SPECC1: variants seen among roughly 807,000 people sequenced by gnomAD.
The protein encoded by SPECC1 is cytospin-B.
In SPECC1, 62 loss-of-function variants were observed where a neutral mutation model predicts 104.1. The ratio of observed to expected loss-of-function variants is 0.60; its 90% CI spans 0.49 to 0.74. The LOEUF (loss-of-function observed/expected upper bound fraction) is 0.74. Among genes scored for constraint, SPECC1 ranks in the 30% least tolerant of loss-of-function variants. The probability of loss-of-function intolerance (pLI) is 0.00; values close to 1 mark genes in which losing one functional copy is unlikely to be tolerated. For synonymous variants in SPECC1, 513 were observed against 501.6 expected, an observed-to-expected ratio of 1.02 and a Z score of -0.30; for missense variants, 1,306 against 1,310.5, an observed-to-expected ratio of 1.00 and a Z score of 0.05.
At chr17:20,075,871 C>G (rs528709083) in intron 1 of SPECC1, among the ~76,000 whole-genome samples, 1 of 152,224 alleles carries the variant, frequency 6.6e-6, no homozygotes, top group South Asian at 2.1e-4. Flanking sequence ...CGCTTGAAAT[C>G]AGGAGGTTGA....
chr17:20,271,367 TC>T lies in SPECC1; in HGVS notation c.2940+11074del, dbSNP rs572942772. On this transcript the variant is annotated intron_variant, in intron 12 of 14. Transcript: ENST00000395527. ...ACTCCCACCCCCCCCATGCTTCCTG[TC>T]TTTGCATTCTTTCATGGTTGTACAT... Among the ~76,000 whole-genome samples, 5 of 151,762 alleles carry T rather than the reference TC, an allele frequency of 3.3e-5. No individual in the cohort carries two copies. In the East Asian group the frequency reaches 9.7e-4, roughly 29 times the overall value.
chr17:20,243,361 C>G (rs1409194571), intron 7 of SPECC1, among the ~76,000 whole-genome samples: 1 of 152,140 alleles, frequency 6.6e-6, no homozygotes, highest in Non-Finnish European at 1.5e-5. Context: ...TTCCTTGGAA[C>G]AGAGGAAATG....
At chr17:20,156,163 C>T (rs1458782004) in intron 3 of SPECC1, 1 of 1,436,074 alleles carries the variant, frequency 7.0e-7, no homozygotes, top group Non-Finnish European at 9.1e-7. Context: ...CGGTCCGAGG[C>T]CGGCAAGCCG....
intron 7 of SPECC1, among the ~76,000 whole-genome samples, chr17:20,240,930 A>C (rs1032636486): frequency 6.6e-6 from 1 of 152,186 alleles, no homozygotes; most frequent in Non-Finnish European, 1.5e-5. Flanking sequence ...TTCACTTTGT[A>C]TTATGAACTG....
At chr17:20,253,725 A>C in intron 10 of SPECC1, 139 bp downstream of exon 10, 1 of 784,422 alleles carries the variant, frequency 1.3e-6, no homozygotes, top group Non-Finnish European at 2.0e-6. Context: ...AATAATGTAC[A>C]TATCATGAAT....
At chr17:20,040,589 C>T (rs567276572) in intron 1 of SPECC1, among the ~76,000 whole-genome samples, 2 of 152,294 alleles carry the variant, frequency 1.3e-5, no homozygotes, top group South Asian at 4.1e-4. Flanking sequence ...GATATTTTTA[C>T]TGAATCTAGA....
At chr17:20,181,080 C>G (rs1030164856) in intron 3 of SPECC1, among the ~76,000 whole-genome samples, 2 of 151,856 alleles carry the variant, frequency 1.3e-5, no homozygotes, top group African/African-American at 4.8e-5. Context: ...AATCTCTGCA[C>G]CAAAAGAAAA....
At chr17:20,130,471 T>G (rs2049555661) in intron 3 of SPECC1, among the ~76,000 whole-genome samples, 1 of 152,120 alleles carries the variant, frequency 6.6e-6, no homozygotes. Flanking sequence ...GGAGGTCAAG[T>G]CTGCAGTGAT....
intron 10 of SPECC1, 44 bp downstream of exon 10, chr17:20,253,630 G>A: frequency 6.3e-7 from 1 of 1,575,542 alleles, no homozygotes; most frequent in South Asian, 1.1e-5. Flanking sequence ...ATCTTTCCGT[G>A]CAGTTAACTT....
intron 1 of SPECC1, among the ~76,000 whole-genome samples, chr17:20,061,013 C>T (rs527807112): frequency 1.3e-5 from 2 of 152,268 alleles, no homozygotes; most frequent in South Asian, 4.1e-4. Context: ...ATATCAGTGA[C>T]CATAATACCT....
intron 1 of SPECC1, among the ~76,000 whole-genome samples, chr17:20,064,801 A>C (rs954093991): frequency 6.6e-6 from 1 of 152,198 alleles, no homozygotes; most frequent in Non-Finnish European, 1.5e-5. Flanking sequence ...CTTATAGCTC[A>C]TGAGAAGGCC....
chr17:20,238,530 A>C (rs1451927221), intron 7 of SPECC1: 6 of 1,042,052 alleles, frequency 5.8e-6, no homozygotes, highest in Non-Finnish European at 6.9e-6. Context: ...AGGAACAGGA[A>C]TGCTCTTTAA....
At chr17:20,127,472 T>C (rs2049374710) in intron 3 of SPECC1, among the ~76,000 whole-genome samples, 1 of 134,858 alleles carries the variant, frequency 7.4e-6, no homozygotes, top group African/African-American at 2.7e-5. Flanking sequence ...AGACAGACTC[T>C]CACTCTTTTG....
chr17:20,312,713 A>G (rs2041965689), intron 14 of SPECC1, among the ~76,000 whole-genome samples: 1 of 152,192 alleles, frequency 6.6e-6, no homozygotes, highest in Non-Finnish European at 1.5e-5. Flanking sequence ...CTATTCTTGT[A>G]TTCTGTGAAA....
At chr17:20,152,774 C>T (rs185534386) in intron 3 of SPECC1, among the ~76,000 whole-genome samples, 112 of 152,254 alleles carry the variant, frequency 7.4e-4, no homozygotes, top group Non-Finnish European at 1.5e-3. Context: ...CGGGTTCAAG[C>T]GATTCTCCTG....
Position 20,245,927 on chromosome 17 carries a change from C to G in SPECC1, c.2353C>G (p.Pro785Ala). 6.2e-7 allele frequency: 1 copy of G among 1,614,130 alleles called. No individual in the cohort carries two copies. Among genetic ancestry groups the G allele is most frequent in the Non-Finnish European group, 8.5e-7 (1 of 1,180,014 alleles). Residue 785 changes from proline to alanine, a missense_variant and splice_region_variant, in exon 8 of 15, where the codon CCT becomes GCT. By Grantham distance (27) the Pro-to-Ala change is conservative. Coordinates refer to ENST00000395527, the MANE Select transcript of SPECC1 (RefSeq NM_001243439.2). ...TCTGATTTGCTCTTTGCCATGCAGA[C>G]CTGTGGATGAAGAGCCAGAGTCCTC... The part of the protein sequence containing the change: ...RVVTSRAAPP[P>A]VDEEPESSEV...
At chr17:20,277,246 G>C (rs1315965078) in intron 12 of SPECC1, among the ~76,000 whole-genome samples, 3 of 152,166 alleles carry the variant, frequency 2.0e-5, no homozygotes, top group Non-Finnish European at 2.9e-5. Context: ...CGGTAGCAGG[G>C]TGCCCCTGGA....
chr17:20,102,273 C>T (rs982674247), intron 2 of SPECC1, among the ~76,000 whole-genome samples: 17 of 152,182 alleles, frequency 1.1e-4, no homozygotes, highest in African/African-American at 4.1e-4. Flanking sequence ...TTGAAGGACA[C>T]GTGGGATCAG....
chr17:20,119,730 A>G (rs549886275), intron 3 of SPECC1, among the ~76,000 whole-genome samples: 24 of 152,328 alleles, frequency 1.6e-4, no homozygotes, highest in African/African-American at 5.3e-4. Context: ...CTACAGTTGT[A>G]TAGTATTGTT....
Sources: allele counts gnomAD v4.1 joint callset (sites outside exome capture counted in the v4.1 genomes callset), GRCh38; gene constraint gnomAD v4.1.1; transcripts MANE v1.5; gene names NCBI Gene and HGNC (gene_info 2026-07-23, HGNC 2026-07-21).